ANKH: variants seen among roughly 807,000 people sequenced by gnomAD.
ANKH encodes ANKH inorganic pyrophosphate transport regulator, also known as mineralization regulator ANKH.
ANKH carries 15 observed loss-of-function variants against 49.0 expected under a neutral mutation model. The ratio of observed to expected loss-of-function variants is 0.31; its 90% CI spans 0.20 to 0.47. ANKH has a LOEUF of 0.47. ANKH is among the 20% of genes least tolerant of loss of function. ANKH has a pLI of 1.00. For synonymous variants in ANKH, 273 were observed against 260.0 expected (o/e 1.05, Z -0.48); for missense variants, 429 against 652.0 (o/e 0.66, Z 3.72).
chr5:14,822,698 G>A (rs1452694003), intron 1 of ANKH, among the ~76,000 whole-genome samples: 2 of 152,118 alleles, frequency 1.3e-5, no homozygotes, highest in Non-Finnish European at 2.9e-5. Context: ...AGAAATACAC[G>A]AAAACCACAT....
chr5:14,721,930 A>C (rs12655390), intron 8 of ANKH, among the ~76,000 whole-genome samples: 119 of 9,436 alleles, frequency 0.013, no homozygotes, highest in South Asian at 0.029. Context: ...ACTCCGTCTC[A>C]AAAAAAAAAA....
intron 1 of ANKH, among the ~76,000 whole-genome samples, chr5:14,788,767 T>C (rs1318848005): frequency 6.6e-6 from 1 of 152,096 alleles, no homozygotes; most frequent in African/African-American, 2.4e-5. Context: ...GGGGGATAGC[T>C]ACACAAGTCA....
intron 1 of ANKH, among the ~76,000 whole-genome samples, chr5:14,799,262 T>C (rs1347441326): frequency 1.3e-5 from 2 of 152,184 alleles, no homozygotes; most frequent in African/African-American, 4.8e-5. Flanking sequence ...TCATGGGGTT[T>C]CAGGAAAGAA....
At position 14,713,172 on chromosome 5, in the gene ANKH, C is replaced by T. The variant is rs1320129842; in HGVS notation, c.1266-199G>A. Among the ~76,000 whole-genome samples, 1 of 152,190 alleles carries T rather than the reference C, an allele frequency of 6.6e-6. No homozygotes were observed. The highest frequency in any genetic ancestry group is 2.4e-5 in the African/African-American group (1 of 41,440). ...AGGAACTCGGGGCTGGGCCACCTCC[C>T]TCCCACAGCACATGGATCCCACAGC... On this transcript the variant is annotated intron_variant, in intron 10 of 11. Coordinates refer to ENST00000284268, the MANE Select transcript of ANKH (RefSeq NM_054027.6). The surrounding 1 kb of genome is among the most constrained non-coding windows in gnomAD (Gnocchi z 4.4).
At chr5:14,769,539 T>C (rs1027550875) in intron 1 of ANKH, among the ~76,000 whole-genome samples, 3 of 152,198 alleles carry the variant, frequency 2.0e-5, no homozygotes, top group African/African-American at 4.8e-5. Context: ...GCAGGCTGAA[T>C]TGACATAATG....
intron 1 of ANKH, among the ~76,000 whole-genome samples, chr5:14,802,399 T>C (rs776797954): frequency 2.6e-5 from 4 of 152,148 alleles, no homozygotes; most frequent in Non-Finnish European, 4.4e-5. Flanking sequence ...CACCGCCTAG[T>C]GCAGACCAGT....
Position 14,762,866 on chromosome 5 carries a change from G to A in ANKH, c.314-4268C>T, listed in dbSNP as rs761338002. 4.3e-3 allele frequency among the ~76,000 whole-genome samples: 652 copies of A among 152,320 alleles called. 8 individuals carry two copies. Among genetic ancestry groups the A allele is most frequent in the Non-Finnish European group, 4.0e-3 (275 of 68,028 alleles). On this transcript the variant is annotated intron_variant, in intron 2 of 11. Transcript: ENST00000284268. ...TACCAAGACTGTTCTAAAACAGCTT[G>A]TATTCCTTATGAAGAGCAGAACATT...
chr5:14,793,205 C>T (rs1740261639), intron 1 of ANKH, among the ~76,000 whole-genome samples: 1 of 150,288 alleles, frequency 6.7e-6, no homozygotes, highest in South Asian at 2.1e-4. Context: ...GGGAGGGATG[C>T]GTCAGCAGAG....
intron 1 of ANKH, among the ~76,000 whole-genome samples, chr5:14,839,200 C>T (rs889740401): frequency 2.0e-5 from 3 of 152,142 alleles, no homozygotes; most frequent in African/African-American, 7.2e-5. Context: ...CACTCACAAT[C>T]TTCACATCCT....
Position 14,745,736 on chromosome 5 carries a change from C to G in ANKH, c.915+134G>C. 1 of 773,606 alleles carries G rather than the reference C, an allele frequency of 1.3e-6. No individual in the cohort carries two copies. The highest frequency in any genetic ancestry group is 2.0e-5 in the Admixed American group (1 of 50,076). The allele number at this position is 773,606 out of a possible 1,614,324, so 47.9% of individuals were successfully genotyped here. ...TTCTGAGGAAAATATTCCTTCAATG[C>G]CCCCAACGTCACATTAACCTTACAA... On this transcript the variant is annotated intron_variant, in intron 7 of 11. Transcript: ENST00000284268. The surrounding 1 kb of genome is among the most constrained non-coding windows in gnomAD (Gnocchi z 4.7).
chr5:14,722,705 G>T (rs190099094), intron 8 of ANKH, among the ~76,000 whole-genome samples: 51 of 152,238 alleles, frequency 3.4e-4, no homozygotes, highest in Admixed American at 5.9e-4. Context: ...TGGCAGAGAA[G>T]GGACAAATGT....
At chr5:14,736,702 T>C (rs555509430) in intron 8 of ANKH, among the ~76,000 whole-genome samples, 2 of 152,220 alleles carry the variant, frequency 1.3e-5, no homozygotes, top group Non-Finnish European at 2.9e-5. Context: ...CTGATCCTTG[T>C]TCTCCCCCTT....
At chr5:14,715,361 C>A (rs1737409593) in intron 9 of ANKH, among the ~76,000 whole-genome samples, 1 of 152,136 alleles carries the variant, frequency 6.6e-6, no homozygotes, top group Non-Finnish European at 1.5e-5. Context: ...GAACTCCTGA[C>A]CTCAGATGAT....
chr5:14,743,730 T>A (rs966207805), intron 7 of ANKH, among the ~76,000 whole-genome samples: 1 of 152,160 alleles, frequency 6.6e-6, no homozygotes, highest in African/African-American at 2.4e-5. Context: ...TGTAGCTCGC[T>A]GGAATGCTTG....
At chr5:14,834,625 G>A (rs1018483283) in intron 1 of ANKH, among the ~76,000 whole-genome samples, 15 of 151,972 alleles carry the variant, frequency 9.9e-5, no homozygotes, top group Admixed American at 2.6e-4. Flanking sequence ...TAAAAAATAC[G>A]TAAAAATTAG....
intron 1 of ANKH, among the ~76,000 whole-genome samples, chr5:14,793,023 T>TATATATATATATAAATATATATATATAA (rs1740234079): frequency 1.1e-4 from 7 of 66,576 alleles, no homozygotes; most frequent in African/African-American, 4.3e-4. Flanking sequence ...TATATATAAA[T>TATATATATATATAAATATATATATATAA]ATATATATAT....
intron 9 of ANKH, 31 bp downstream of exon 9, chr5:14,716,675 G>A (rs1737474326): frequency 1.2e-6 from 2 of 1,613,064 alleles, no homozygotes; most frequent in Non-Finnish European, 1.7e-6. Context: ...AGGATAAACA[G>A]GAATGCTTCC....
At chr5:14,714,407 C>T (rs1737364679) in intron 9 of ANKH, among the ~76,000 whole-genome samples, 3 of 152,242 alleles carry the variant, frequency 2.0e-5, no homozygotes, top group Admixed American at 1.3e-4. Flanking sequence ...CCATCTGAAA[C>T]TGGAAAGGCT....
chr5:14,845,183 GA>G (rs888288964), intron 1 of ANKH, among the ~76,000 whole-genome samples: 1 of 151,982 alleles, frequency 6.6e-6, no homozygotes, highest in African/African-American at 2.4e-5. Context: ...AACAAAAATG[GA>G]TATTGTTTGA....
Sources: gnomAD v4.1 joint callset for allele counts (sites outside exome capture counted in the v4.1 genomes callset) on GRCh38, gnomAD v4.1.1 for gene constraint, Gnocchi (gnomAD v3.1) non-coding constraint, MANE v1.5 for transcripts, NCBI Gene and HGNC (gene_info 2026-07-23, HGNC 2026-07-21) for gene names.